ATP5F1C: variants seen among roughly 807,000 people sequenced by gnomAD.
ATP5F1C encodes the protein ATP synthase F1 subunit gamma, also known as ATP synthase F(1) complex subunit gamma, mitochondrial.
ATP5F1C carries 22 observed loss-of-function variants against 37.4 expected under a neutral mutation model. The observed-to-expected ratio is 0.59, with a 90% CI of 0.42 to 0.84. The LOEUF (loss-of-function observed/expected upper bound fraction) is 0.84. ATP5F1C is among the 40% of genes least tolerant of loss of function. The pLI is 0.00. For synonymous variants in ATP5F1C, 121 were observed against 128.0 expected, an observed-to-expected ratio of 0.95 and a Z score of 0.37; for missense variants, 286 against 362.4, an observed-to-expected ratio of 0.79 and a Z score of 1.71.
At position 7,794,588 on chromosome 10, in the gene ATP5F1C, A is replaced by T. The variant is rs966737839; in HGVS notation, c.57-1533A>T. Among the ~76,000 whole-genome samples, 4 of 150,762 alleles carry T rather than the reference A, an allele frequency of 2.7e-5. No homozygotes were observed. The South Asian group carries it at 8.3e-4, about 31-fold the overall frequency. ...ATGACTGGGTGTTAGATTTTGTTGG[A>T]TGCTTTTTCTGCACCTATTGATTGT... On this transcript the variant is annotated intron_variant, in intron 1 of 9. Coordinates refer to ENST00000356708, the MANE Select transcript of ATP5F1C (RefSeq NM_001001973.3).
rs1836323651 is a variant in ATP5F1C at position 7,800,023 on chromosome 10, C to A, written c.573-4C>A. On this transcript the variant is annotated splice_polypyrimidine_tract_variant and splice_region_variant and intron_variant, in intron 5 of 9. Transcript: ENST00000356708. ...AGATTTACATTTGTTTTTGTCAATTCTAGGTCTGTCATCTCCTATAAGACA... is the reference window on the plus strand; with the variant it reads ...AGATTTACATTTGTTTTTGTCAATTATAGGTCTGTCATCTCCTATAAGACA... 1.2e-6 allele frequency: 2 copies of A among 1,613,140 alleles called. No individual in the cohort carries two copies. The highest frequency in any genetic ancestry group is 2.2e-5 in the South Asian group (2 of 90,790).
chr10:7,798,462 A>G (rs527923409), intron 3 of ATP5F1C, among the ~76,000 whole-genome samples: 39 of 151,920 alleles, frequency 2.6e-4, no homozygotes, highest in Middle Eastern at 3.4e-3. Context: ...GATGGAGTGC[A>G]GTGGCATAAT....
Position 7,807,704 on chromosome 10 carries a change from G to A in ATP5F1C, c.*76G>A. The A allele has an allele frequency of 6.3e-7, 1 of 1,598,262 alleles. No individual in the cohort carries two copies. ...CAGTTGATTTTGTTTTTAGCTTACT[G>A]CTGCCTTTGTCCGAAGAAACTGTTC... On this transcript the variant is annotated 3_prime_UTR_variant, in exon 10 of 10. Transcript: ENST00000356708.
chr10:7,806,833 G>C lies in ATP5F1C; in HGVS notation c.891-141G>C. On this transcript the variant is annotated intron_variant, in intron 8 of 9. Coordinates refer to ENST00000356708, the MANE Select transcript of ATP5F1C (RefSeq NM_001001973.3). ...CTGTTTCAAAGGAATCTTGTGGTAA[G>C]TATTTTTGCATGATGTACTCAAGGT... 6.4e-6 allele frequency: 4 copies of C among 622,236 alleles called. No individual in the cohort carries two copies. The South Asian group carries it at 8.6e-5, about 13-fold the overall frequency. The allele number at this position is 622,236 out of a possible 1,614,324, so 38.5% of individuals were successfully genotyped here.
chr10:7,803,493 G>C (rs761699504), intron 8 of ATP5F1C, among the ~76,000 whole-genome samples: 12 of 151,958 alleles, frequency 7.9e-5, no homozygotes, highest in Non-Finnish European at 1.3e-4. Flanking sequence ...ATTGGTTTTT[G>C]TTTTTATTAT....
chr10:7,796,272 A>G, intron 2 of ATP5F1C, 117 bp downstream of exon 2: 1 of 844,158 alleles, frequency 1.2e-6, no homozygotes, highest in Non-Finnish European at 1.8e-6. Flanking sequence ...AACTGACCAA[A>G]TGGATTTCCA....
intron 1 of ATP5F1C, among the ~76,000 whole-genome samples, chr10:7,795,667 A>C (rs1468777532): frequency 6.6e-6 from 1 of 152,190 alleles, no homozygotes; most frequent in Non-Finnish European, 1.5e-5. Context: ...GTTTATATAA[A>C]CTACTTTTAC....
intron 1 of ATP5F1C, among the ~76,000 whole-genome samples, chr10:7,791,288 GA>G (rs1836160583): frequency 6.6e-6 from 1 of 151,736 alleles, no homozygotes; most frequent in Admixed American, 6.6e-5. Flanking sequence ...GACACAGTGA[GA>G]CTCCATCTCA....
At chr10:7,804,636 T>A (rs1836438860) in intron 8 of ATP5F1C, among the ~76,000 whole-genome samples, 1 of 152,252 alleles carries the variant, frequency 6.6e-6, no homozygotes, top group Admixed American at 6.5e-5. Flanking sequence ...AGCTTAGCTC[T>A]TACAGCCTTG....
In ATP5F1C at chr10:7,799,018, G is replaced by C; in HGVS notation, c.252G>C (p.Gly84=). ...TGTATGAAAAAGCTGATATCAAGGGGCCTGAAGACAAGAAGAAACACCTCC... is the reference window on the plus strand; with the variant it reads ...TGTATGAAAAAGCTGATATCAAGGGCCCTGAAGACAAGAAGAAACACCTCC... ...LALYEKADIK[G]PEDKKKHLLI... The change falls in exon 4 of 10, where the codon GGG becomes GGC. Residue 84 remains glycine (G), a synonymous_variant. Transcript: ENST00000356708. 6.2e-7 allele frequency: 1 copy of C among 1,612,194 alleles called. No individual in the cohort carries two copies. Among genetic ancestry groups the C allele is most frequent in the Non-Finnish European group, 8.5e-7 (1 of 1,179,848 alleles).
At chr10:7,794,894 T>C (rs1836214089) in intron 1 of ATP5F1C, among the ~76,000 whole-genome samples, 1 of 152,186 alleles carries the variant, frequency 6.6e-6, no homozygotes, top group African/African-American at 2.4e-5. Context: ...TGTGAAGAAG[T>C]TAAATGCTTG....
chr10:7,795,583 G>C (rs894327054), intron 1 of ATP5F1C, among the ~76,000 whole-genome samples: 1 of 152,130 alleles, frequency 6.6e-6, no homozygotes. Context: ...AGACCATGTC[G>C]TGTTTACCAG....
chr10:7,799,717 T>G, intron 4 of ATP5F1C, 55 bp from the exon 5 acceptor site: 1 of 1,595,624 alleles, frequency 6.3e-7, no homozygotes, highest in Non-Finnish European at 8.5e-7. Flanking sequence ...TCCCCTGTGC[T>G]CTTTCAGCAG....
At chr10:7,791,552 C>A (rs536563906) in intron 1 of ATP5F1C, among the ~76,000 whole-genome samples, 1 of 152,278 alleles carries the variant, frequency 6.6e-6, no homozygotes, top group East Asian at 1.9e-4. Flanking sequence ...CCTCCACTGC[C>A]TTCGTCAGCT....
intron 1 of ATP5F1C, among the ~76,000 whole-genome samples, chr10:7,788,666 G>C (rs1175625721): frequency 1.3e-5 from 2 of 152,184 alleles, no homozygotes; most frequent in East Asian, 3.9e-4. Context: ...ATAGCCCAGG[G>C]GAAGGTTAAG....
At chr10:7,807,593 C>T (rs1364372838) in intron 9 of ATP5F1C, 66 bp from the exon 10 acceptor site, 1 of 1,524,204 alleles carries the variant, frequency 6.6e-7, no homozygotes, top group Non-Finnish European at 9.0e-7. Flanking sequence ...GTATTATTAT[C>T]TCTTGACATT....
At chr10:7,796,714 A>G (rs1265566032) in intron 2 of ATP5F1C, 1 of 142,464 alleles carries the variant, frequency 7.0e-6, no homozygotes, top group East Asian at 2.1e-4. Flanking sequence ...CCTCCCGAGT[A>G]GCTGGGACTA....
chr10:7,794,802 A>G (rs1420699221), intron 1 of ATP5F1C, among the ~76,000 whole-genome samples: 1 of 152,244 alleles, frequency 6.6e-6, no homozygotes, highest in Non-Finnish European at 1.5e-5. Context: ...CATGAGAGAT[A>G]TTAGTCACTG....
intron 3 of ATP5F1C, among the ~76,000 whole-genome samples, chr10:7,798,660 T>G (rs994925636): frequency 4.6e-5 from 7 of 152,198 alleles, no homozygotes; most frequent in African/African-American, 1.7e-4. Context: ...CCTCCCAAAG[T>G]GCTGGGATTA....
Sources: gnomAD v4.1 joint callset for allele counts (sites outside exome capture counted in the v4.1 genomes callset) on GRCh38, gnomAD v4.1.1 for gene constraint, MANE v1.5 for transcripts, NCBI Gene and HGNC (gene_info 2026-07-23, HGNC 2026-07-21) for gene names.